The following ZNF736 variants were observed in gnomAD, a reference collection of about 807,000 sequenced individuals.
The protein encoded by ZNF736 is zinc finger protein 736.
ZNF736 carries 6 observed loss-of-function variants against 11.7 expected under a neutral mutation model. That is an observed-to-expected ratio of 0.51 (90% CI 0.28 to 1.01). ZNF736 has a LOEUF of 1.01. ZNF736 is among the 50% of genes least tolerant of loss of function. The pLI is 0.09. For synonymous variants in ZNF736, 139 were observed against 164.7 expected, an observed-to-expected ratio of 0.84 and a Z score of 1.19; for missense variants, 444 against 496.0, an observed-to-expected ratio of 0.90 and a Z score of 1.00.
Position 64,348,287 on chromosome 7 carries a change from A to G in ZNF736, c.424A>G (p.Ser142Gly), listed in dbSNP as rs147634870. ...TCATCAATGTTTGTCAGCTACCCAT[A>G]GCAAAACCTGTCAATGTAATAAATG... ...GLHQCLSATH[S>G]KTCQCNKCGR... Residue 142 changes from serine (S) to glycine (G), a missense_variant, in exon 4 of 4, where the codon AGC (serine) becomes GGC (glycine). Physicochemically the swap from Ser to Gly is moderately conservative, Grantham distance 56. Transcript: ENST00000423484. The G allele has an allele frequency of 1.3e-6, 2 of 1,551,844 alleles. No individual in the cohort carries two copies. Among genetic ancestry groups the G allele is most frequent in the African/African-American group, 2.7e-5 (2 of 73,058 alleles).
intron 1 of ZNF736, among the ~76,000 whole-genome samples, chr7:64,335,593 A>T (rs1416240730): frequency 6.6e-6 from 1 of 152,138 alleles, no homozygotes; most frequent in Admixed American, 6.5e-5. Flanking sequence ...TACCTTGGGG[A>T]GTTTATCAAG....
intron 3 of ZNF736, among the ~76,000 whole-genome samples, chr7:64,337,755 G>GTTTTTTTTTTTTTTTTTTTTTTT (rs147991832): frequency 1.2e-5 from 1 of 86,256 alleles, no homozygotes. Flanking sequence ...TGTTTTTTTT[G>GTTTTTTTTTTTTTTTTTTTTTTT]GTTTTTTTTT....
intron 1 of ZNF736, among the ~76,000 whole-genome samples, chr7:64,315,915 T>C (rs756821944): frequency 7.2e-5 from 11 of 152,216 alleles, no homozygotes; most frequent in Non-Finnish European, 7.3e-5. Context: ...GGTGGCTCTT[T>C]TTAATATATT....
chr7:64,334,903 T>C (rs1245901038), intron 1 of ZNF736, among the ~76,000 whole-genome samples: 1 of 152,150 alleles, frequency 6.6e-6, no homozygotes, highest in Non-Finnish European at 1.5e-5. Flanking sequence ...CCATCAATGA[T>C]AGACTGGATA....
At chr7:64,320,343 A>G (rs77063964) in intron 1 of ZNF736, among the ~76,000 whole-genome samples, 6,858 of 152,278 alleles carry the variant, frequency 0.045, 454 homozygotes, top group East Asian at 0.35. Flanking sequence ...AGGAGAATGA[A>G]AGCTGTCTAT....
chr7:64,337,075 C>T (rs930539271), intron 3 of ZNF736, 93 bp downstream of exon 3: 73 of 1,045,408 alleles, frequency 7.0e-5, no homozygotes, highest in Non-Finnish European at 9.5e-5. Flanking sequence ...AGAAGCTCTG[C>T]TCCAGTGGAA....
rs1235032198 is a variant in ZNF736 at position 64,351,777 on chromosome 7, G to T, written c.*2630G>T. Reference sequence around the variant, plus strand: ...TTATCTCTTTGCTTGTCTTCTGGGGGCTGCATCTCAGAGAGATGTAGGTCA... The same window carrying T: ...TTATCTCTTTGCTTGTCTTCTGGGGTCTGCATCTCAGAGAGATGTAGGTCA... On this transcript the variant is annotated 3_prime_UTR_variant, in exon 4 of 4. Coordinates refer to ENST00000423484, the MANE Select transcript of ZNF736 (RefSeq NM_001170905.3). The T allele has an allele frequency of 6.6e-6, 1 of 152,228 alleles. No homozygotes were observed. The highest frequency in any genetic ancestry group is 1.5e-5 in the Non-Finnish European group (1 of 68,074). 9.4% of individuals were successfully genotyped at this position (152,228 alleles called of 1,614,324 possible).
intron 1 of ZNF736, among the ~76,000 whole-genome samples, chr7:64,335,153 G>T (rs1789228296): frequency 6.6e-6 from 1 of 152,136 alleles, no homozygotes; most frequent in Non-Finnish European, 1.5e-5. Flanking sequence ...GCAGATGGGG[G>T]CAAGGGGAAG....
chr7:64,315,690 A>G (rs1208857042), intron 1 of ZNF736, among the ~76,000 whole-genome samples: 2 of 152,046 alleles, frequency 1.3e-5, no homozygotes, highest in East Asian at 1.9e-4. Context: ...TTTTCTCTGC[A>G]TTTTTCAAAT....
rs573688402 is a variant in ZNF736 at position 64,343,216 on chromosome 7, T to C, written c.227-4874T>C. ...AGAATATGTGGTACCTATATACACA[T>C]TGAAATACTACACAGCCAAAAAAAA... On this transcript the variant is annotated intron_variant, in intron 3 of 3. Coordinates refer to ENST00000423484, the MANE Select transcript of ZNF736 (RefSeq NM_001170905.3). Among the ~76,000 whole-genome samples the C allele has an allele frequency of 9.3e-4, 141 of 152,284 alleles. 1 individual carries two copies. Among genetic ancestry groups the C allele is most frequent in the Admixed American group, 9.0e-3 (138 of 15,304 alleles).
chr7:64,339,027 A>G (rs1297651579), intron 3 of ZNF736, among the ~76,000 whole-genome samples: 1 of 152,158 alleles, frequency 6.6e-6, no homozygotes, highest in Non-Finnish European at 1.5e-5. Flanking sequence ...CCTAACAGGT[A>G]TAAAGTAATA....
chr7:64,335,994 G>GAA (rs1444916196), intron 1 of ZNF736, among the ~76,000 whole-genome samples: 10 of 152,218 alleles, frequency 6.6e-5, no homozygotes, highest in Non-Finnish European at 1.2e-4. Context: ...GTAGCATTAA[G>GAA]AAATGTACAT....
chr7:64,324,010 T>C (rs1789043573), intron 1 of ZNF736, among the ~76,000 whole-genome samples: 2 of 152,232 alleles, frequency 1.3e-5, no homozygotes, highest in African/African-American at 4.8e-5. Context: ...AATGCAGTTA[T>C]ATTCTGCTTT....
chr7:64,315,425 T>A (rs888822833), intron 1 of ZNF736, among the ~76,000 whole-genome samples: 13 of 152,142 alleles, frequency 8.5e-5, no homozygotes, highest in Admixed American at 8.5e-4. Flanking sequence ...ATTTGATTGG[T>A]TACAGTTACG....
chr7:64,320,451 A>C (rs1035229181), intron 1 of ZNF736, among the ~76,000 whole-genome samples: 1 of 152,224 alleles, frequency 6.6e-6, no homozygotes, highest in African/African-American at 2.4e-5. Flanking sequence ...TATGTATGTA[A>C]TGTTTTTTTG....
chr7:64,352,959 T>C lies in ZNF736; in HGVS notation c.*3812T>C, dbSNP rs1789509960. On this transcript the variant is annotated 3_prime_UTR_variant, in exon 4 of 4. Coordinates refer to ENST00000423484, the MANE Select transcript of ZNF736 (RefSeq NM_001170905.3). ...GACCATCACTATCAGCCCCCTGGAT[T>C]CTGCCTCTTTCCTATGGGTATGTTC... 6.6e-6 allele frequency: 1 copy of C among 152,270 alleles called. No homozygotes were observed. Among genetic ancestry groups the C allele is most frequent in the African/African-American group, 2.4e-5 (1 of 41,454 alleles). 9.4% of individuals were successfully genotyped at this position (152,270 alleles called of 1,614,324 possible).
chr7:64,337,766 T>G (rs566867579), intron 3 of ZNF736, among the ~76,000 whole-genome samples: 11 of 147,082 alleles, frequency 7.5e-5, no homozygotes, highest in East Asian at 2.0e-4. Context: ...GTTTTTTTTT[T>G]TTTTTGAGAC....
At chr7:64,314,195 T>C in intron 1 of ZNF736, 42 bp downstream of exon 1, 1 of 1,550,630 alleles carries the variant, frequency 6.4e-7, no homozygotes. Context: ...GGGAAGAGGC[T>C]GTTTGAATCC....
chr7:64,337,756 G>GTTTTTTTTTTTTTTTTTTTTT (rs569147961), intron 3 of ZNF736, among the ~76,000 whole-genome samples: 2 of 112,508 alleles, frequency 1.8e-5, no homozygotes, highest in Non-Finnish European at 3.4e-5. Context: ...GTTTTTTTTG[G>GTTTTTTTTTTTTTTTTTTTTT]TTTTTTTTTT....
Sources: allele counts gnomAD v4.1 joint callset (sites outside exome capture counted in the v4.1 genomes callset), GRCh38; gene constraint gnomAD v4.1.1; transcripts MANE v1.5; gene names NCBI Gene and HGNC (gene_info 2026-07-23, HGNC 2026-07-21).